Variants in CNTNAP2 observed in about 807,000 individuals in gnomAD.
CNTNAP2 encodes contactin-associated protein-like 2.
Under a neutral mutation model 155.2 loss-of-function variants are expected in CNTNAP2, and 98 were observed. The observed-to-expected ratio is 0.63, with a 90% confidence interval of 0.54 to 0.75. CNTNAP2 has a LOEUF of 0.75. CNTNAP2 is among the 30% of genes least tolerant of loss of function. The probability of loss-of-function intolerance (pLI) is 0.00; values close to 1 mark genes in which losing one functional copy is unlikely to be tolerated. For synonymous variants in CNTNAP2, 651 were observed against 631.2 expected (o/e 1.03, Z -0.47); for missense variants, 1,727 against 1,688.1 (o/e 1.02, Z -0.40).
chr7:146,130,178 C>T (rs1005616595), intron 1 of CNTNAP2, among the ~76,000 whole-genome samples: 16 of 152,140 alleles, frequency 1.1e-4, no homozygotes, highest in Non-Finnish European at 1.3e-4. Context: ...TATAGGCAGT[C>T]GGGCCGGGCG....
chr7:147,616,078 T>C (rs112322103), intron 12 of CNTNAP2, among the ~76,000 whole-genome samples: 7 of 152,114 alleles, frequency 4.6e-5, no homozygotes, highest in African/African-American at 1.4e-4. Flanking sequence ...TTCCCCCTGA[T>C]AGGTCTCATC....
Position 146,453,058 on chromosome 7 carries a change from G to A in CNTNAP2, c.98-321213G>A, listed in dbSNP as rs73738800. Among the ~76,000 whole-genome samples the A allele has an allele frequency of 6.6e-4, 100 of 152,336 alleles. 1 individual carries two copies. The highest frequency in any genetic ancestry group is 2.2e-3 in the African/African-American group (91 of 41,588). ...TCTGTTGTCTCTCTGGGTTGAGGCA[G>A]AGCAGTCTTGAAAGGCCAAGCTGGC... On this transcript the variant is annotated intron_variant, in intron 1 of 23. Transcript: ENST00000361727.
At chr7:146,928,090 A>G (rs899571876) in intron 3 of CNTNAP2, among the ~76,000 whole-genome samples, 1 of 151,712 alleles carries the variant, frequency 6.6e-6, no homozygotes, top group African/African-American at 2.4e-5. Context: ...TACTCCTGGT[A>G]TTTCTCTTTG....
intron 1 of CNTNAP2, among the ~76,000 whole-genome samples, chr7:146,120,453 A>G (rs1797545021): frequency 6.6e-6 from 1 of 152,162 alleles, no homozygotes; most frequent in Non-Finnish European, 1.5e-5. Flanking sequence ...TACCATCAAT[A>G]TATGGCAAAA....
chr7:148,137,231 G>A (rs968888318), intron 16 of CNTNAP2, among the ~76,000 whole-genome samples: 5 of 152,138 alleles, frequency 3.3e-5, no homozygotes, highest in Non-Finnish European at 5.9e-5. Flanking sequence ...CTAAGTAGAC[G>A]ATAAAGATCA....
At chr7:146,138,830 A>G (rs1308495429) in intron 1 of CNTNAP2, among the ~76,000 whole-genome samples, 1 of 152,166 alleles carries the variant, frequency 6.6e-6, no homozygotes, top group African/African-American at 2.4e-5. Context: ...TGGCTTACAT[A>G]TTCTATGCTT....
intron 1 of CNTNAP2, among the ~76,000 whole-genome samples, chr7:146,619,567 A>G (rs1799284113): frequency 6.6e-6 from 1 of 152,228 alleles, no homozygotes; most frequent in Non-Finnish European, 1.5e-5. Context: ...TCCCTCTGAA[A>G]ATAGTAATAT....
chr7:147,706,388 A>T (rs1354671077), intron 13 of CNTNAP2, among the ~76,000 whole-genome samples: 2 of 151,516 alleles, frequency 1.3e-5, no homozygotes, highest in Non-Finnish European at 2.9e-5. Context: ...ATGAATGACA[A>T]CTTTTCTGGG....
At chr7:147,014,130 A>C (rs1798676656) in intron 3 of CNTNAP2, among the ~76,000 whole-genome samples, 1 of 152,180 alleles carries the variant, frequency 6.6e-6, no homozygotes, top group Non-Finnish European at 1.5e-5. Flanking sequence ...TCATTGAATT[A>C]ATTCACTAAA....
At chr7:147,935,287 T>C (rs954460021) in intron 14 of CNTNAP2, among the ~76,000 whole-genome samples, 1 of 151,984 alleles carries the variant, frequency 6.6e-6, no homozygotes, top group Non-Finnish European at 1.5e-5. Context: ...TCACCACACC[T>C]GGCTAATTTT....
Position 146,261,443 on chromosome 7 carries a change from A to T in CNTNAP2, c.97+144470A>T, listed in dbSNP as rs573112506. ...CAACTATATCCCAAATACACATGCAATTATAATAAATAATATAGAATTTAT... is the reference window on the plus strand; with the variant it reads ...CAACTATATCCCAAATACACATGCATTTATAATAAATAATATAGAATTTAT... On this transcript the variant is annotated intron_variant, in intron 1 of 23. Transcript: ENST00000361727. 4.6e-5 allele frequency among the ~76,000 whole-genome samples: 7 copies of T among 151,922 alleles called. No individual in the cohort carries two copies. In the East Asian group the frequency reaches 1.4e-3, roughly 30 times the overall value.
chr7:147,630,967 AG>A (rs2116909941), intron 12 of CNTNAP2, among the ~76,000 whole-genome samples: 2 of 152,194 alleles, frequency 1.3e-5, no homozygotes, highest in East Asian at 3.9e-4. Flanking sequence ...TGGAACTCCT[AG>A]CTGTAGCAAT....
chr7:148,253,224 G>A (rs185585523), intron 20 of CNTNAP2, among the ~76,000 whole-genome samples: 2 of 152,194 alleles, frequency 1.3e-5, no homozygotes, highest in East Asian at 3.9e-4. Flanking sequence ...CTAAGGACCA[G>A]CATGGCTGGT....
At chr7:146,118,098 G>A (rs956272738) in intron 1 of CNTNAP2, among the ~76,000 whole-genome samples, 1 of 152,112 alleles carries the variant, frequency 6.6e-6, no homozygotes. Context: ...TGATCTTATT[G>A]TAGTGGTAAA....
chr7:146,682,519 A>C (rs1475191775), intron 1 of CNTNAP2, among the ~76,000 whole-genome samples: 3 of 152,170 alleles, frequency 2.0e-5, no homozygotes, highest in Non-Finnish European at 2.9e-5. Context: ...CAGTTATTTG[A>C]GGCAAGTTAC....
At chr7:146,342,640 T>C (rs1030999689) in intron 1 of CNTNAP2, among the ~76,000 whole-genome samples, 3 of 152,194 alleles carry the variant, frequency 2.0e-5, no homozygotes, top group African/African-American at 7.2e-5. Context: ...ATGTTTTCCT[T>C]CTTGTTACAC....
chr7:147,837,244 C>A (rs1193202476), intron 13 of CNTNAP2, among the ~76,000 whole-genome samples: 1 of 152,188 alleles, frequency 6.6e-6, no homozygotes, highest in Non-Finnish European at 1.5e-5. Context: ...AGTCACGTCT[C>A]ACATGGTGGC....
At chr7:147,627,765 G>A (rs1466131776) in intron 12 of CNTNAP2, among the ~76,000 whole-genome samples, 2 of 140,480 alleles carry the variant, frequency 1.4e-5, no homozygotes, top group Admixed American at 1.4e-4. Context: ...CACATAAATA[G>A]ATGTCATAAA....
chr7:147,689,377 G>C (rs1461048113), intron 13 of CNTNAP2, among the ~76,000 whole-genome samples: 1 of 151,962 alleles, frequency 6.6e-6, no homozygotes, highest in Admixed American at 6.6e-5. Flanking sequence ...TTGAACTCCT[G>C]ACCTCAAGTG....
Sources: allele counts gnomAD v4.1 joint callset (sites outside exome capture counted in the v4.1 genomes callset), GRCh38; gene constraint gnomAD v4.1.1; transcripts MANE v1.5; gene names NCBI Gene and HGNC (gene_info 2026-07-23, HGNC 2026-07-21).